Variants in SNAP29 observed in about 807,000 individuals in gnomAD.
The protein encoded by SNAP29 is synaptosomal-associated protein 29.
SNAP29 carries 13 observed loss-of-function variants against 27.9 expected under a neutral mutation model. That is an observed-to-expected ratio of 0.47 (90% CI 0.30 to 0.74). The LOEUF is 0.74. Among genes scored for constraint, SNAP29 ranks in the 30% least tolerant of loss-of-function variants. The pLI is 0.06. For missense variants in SNAP29, 368 were observed against 336.5 expected (o/e 1.09, Z -0.73); for synonymous variants, 119 against 127.1 (o/e 0.94, Z 0.43).
intron 1 of SNAP29, among the ~76,000 whole-genome samples, chr22:20,869,437 CAGT>C (rs1350762674): frequency 1.3e-5 from 2 of 152,136 alleles, no homozygotes; most frequent in Non-Finnish European, 2.9e-5. Flanking sequence ...CAGGCGGAGA[CAGT>C]GGTGTGTGCA....
rs1022387775 is a variant in SNAP29, at chr22:20,887,719, C to T, written c.660C>T (p.Ala220=). 12 of 1,614,122 alleles carry T rather than the reference C, an allele frequency of 7.4e-6. No individual in the cohort carries two copies. The highest frequency in any genetic ancestry group is 1.6e-4 in the Middle Eastern group (1 of 6,062). The part of the protein sequence containing the change: ...SMGLGRLKDI[A]LGMQTEIEEQ... ...GACTGGGTCGTCTGAAGGACATAGC[C>T]CTGGGGATGCAGACAGAAATTGAGG... Residue 220 remains alanine, a synonymous_variant, in exon 5 of 5, where the codon GCC becomes GCT. Coordinates refer to ENST00000215730, the MANE Select transcript of SNAP29 (RefSeq NM_004782.4).
chr22:20,872,293 T>G (rs904163943), intron 2 of SNAP29, among the ~76,000 whole-genome samples: 5 of 152,080 alleles, frequency 3.3e-5, no homozygotes, highest in Non-Finnish European at 5.9e-5. Flanking sequence ...CAGGCTGGAG[T>G]GCAAAGACGT....
intron 2 of SNAP29, among the ~76,000 whole-genome samples, chr22:20,872,332 C>T (rs1177592569): frequency 6.6e-6 from 1 of 152,098 alleles, no homozygotes; most frequent in Non-Finnish European, 1.5e-5. Flanking sequence ...CCTCTGCCTT[C>T]CAGGTTAAAG....
intron 2 of SNAP29, among the ~76,000 whole-genome samples, chr22:20,879,616 C>G (rs1928841982): frequency 1.3e-5 from 2 of 151,660 alleles, no homozygotes. Context: ...GAGGCTAAGG[C>G]GGGCGGATCA....
Position 20,881,040 on chromosome 22 carries a change from T to G in SNAP29, c.435-9T>G. ...AAACGTTTTCTTTTTTGTGAACTTT[T>G]ATCCAAAGATTGAAAGAAGCTATAA... On this transcript the variant is annotated splice_polypyrimidine_tract_variant and intron_variant, in intron 2 of 4. Transcript: ENST00000215730. 1.3e-6 allele frequency: 2 copies of G among 1,588,262 alleles called. No individual in the cohort carries two copies. The highest frequency in any genetic ancestry group is 1.7e-4 in the Middle Eastern group (1 of 6,008).
chr22:20,867,394 G>A (rs1928485925), intron 1 of SNAP29, among the ~76,000 whole-genome samples: 1 of 152,094 alleles, frequency 6.6e-6, no homozygotes, highest in African/African-American at 2.4e-5. Flanking sequence ...GGTGGTGGCT[G>A]GGGCACAGGT....
chr22:20,865,688 G>A (rs1928441835), intron 1 of SNAP29, among the ~76,000 whole-genome samples: 1 of 152,176 alleles, frequency 6.6e-6, no homozygotes, highest in Non-Finnish European at 1.5e-5. Flanking sequence ...TACACGTATG[G>A]TGATGGTTTC....
chr22:20,867,994 T>C (rs796581840), intron 1 of SNAP29, among the ~76,000 whole-genome samples: 3 of 152,250 alleles, frequency 2.0e-5, no homozygotes, highest in African/African-American at 7.2e-5. Flanking sequence ...CTGCTCTGAG[T>C]GTCTTTCCAG....
At chr22:20,884,676 A>G (rs1928971948) in intron 4 of SNAP29, among the ~76,000 whole-genome samples, 1 of 152,160 alleles carries the variant, frequency 6.6e-6, no homozygotes, top group Admixed American at 6.5e-5. Context: ...TGTCTTCCCA[A>G]TCAGACTGTA....
intron 2 of SNAP29, among the ~76,000 whole-genome samples, chr22:20,880,611 T>G (rs1238274318): frequency 6.6e-6 from 1 of 152,222 alleles, no homozygotes; most frequent in Non-Finnish European, 1.5e-5. Context: ...CCGGTTTGGT[T>G]GTTCCATGTG....
rs548739427 is a variant in SNAP29, at chr22:20,887,560, G to T, written c.620-119G>T. On this transcript the variant is annotated intron_variant, in intron 4 of 4. Coordinates refer to ENST00000215730, the MANE Select transcript of SNAP29 (RefSeq NM_004782.4). ...AAGTCAAGACTCATCTCTGCAGTGG[G>T]TGCAGTCCCCCCAGGCAACACAGAT... 558 of 1,040,238 alleles carry T rather than the reference G, an allele frequency of 5.4e-4. 6 individuals carry two copies. The South Asian group carries it at 6.9e-3, about 13-fold the overall frequency. 64.4% of individuals were successfully genotyped at this position (1,040,238 alleles called of 1,614,324 possible). A position where few individuals can be genotyped will look rare whatever the true frequency, so the allele number is the denominator to read the frequency against.
chr22:20,870,928 G>C, intron 2 of SNAP29: 1 of 328,182 alleles, frequency 3.0e-6, no homozygotes, highest in African/African-American at 2.2e-5. Flanking sequence ...CTTAAGCCCA[G>C]GAGCTCGAGA....
intron 1 of SNAP29, among the ~76,000 whole-genome samples, chr22:20,859,899 A>G (rs968625952): frequency 6.6e-6 from 1 of 152,206 alleles, no homozygotes; most frequent in African/African-American, 2.4e-5. Context: ...CAGCCCAGAC[A>G]GCTGCCTAGT....
At chr22:20,880,990 A>G in intron 2 of SNAP29, 59 bp from the exon 3 acceptor site, 1 of 1,111,926 alleles carries the variant, frequency 9.0e-7, no homozygotes. Context: ...GACTGATAAC[A>G]TTGTCATAGG....
At chr22:20,867,530 C>T (rs2147862538) in intron 1 of SNAP29, among the ~76,000 whole-genome samples, 1 of 152,278 alleles carries the variant, frequency 6.6e-6, no homozygotes, top group South Asian at 2.1e-4. Flanking sequence ...CCGGTCATTT[C>T]CTCTGCCTTC....
chr22:20,886,447 A>AG (rs752779512), intron 4 of SNAP29, among the ~76,000 whole-genome samples: 3 of 151,740 alleles, frequency 2.0e-5, no homozygotes, highest in Non-Finnish European at 2.9e-5. Flanking sequence ...AGCTGGGATT[A>AG]CAAGGTGTGC....
Position 20,859,136 on chromosome 22 carries a change from A to T in SNAP29, c.26A>T (p.Asn9Ile). The T allele has an allele frequency of 6.2e-7, 1 of 1,608,178 alleles. No homozygotes were observed. Among genetic ancestry groups the T allele is most frequent in the Non-Finnish European group, 8.5e-7 (1 of 1,178,342 alleles). Residue 9 changes from asparagine (N) to isoleucine (I), a missense_variant, in exon 1 of 5, where the codon AAT becomes ATT. Transcript: ENST00000215730. MSAYPKSY[N>I]PFDDDGEDEG... ...ATGTCAGCTTACCCTAAAAGCTACA[A>T]TCCGTTCGACGACGACGGGGAGGAC...
intron 4 of SNAP29, among the ~76,000 whole-genome samples, chr22:20,884,840 A>G (rs755111075): frequency 2.0e-5 from 3 of 152,118 alleles, no homozygotes; most frequent in Non-Finnish European, 4.4e-5. Flanking sequence ...CAATGGTGCA[A>G]TCTCAGCTCA....
chr22:20,879,851 TAAAAAA>T (rs361542), intron 2 of SNAP29, among the ~76,000 whole-genome samples: 6 of 98,074 alleles, frequency 6.1e-5, no homozygotes, highest in South Asian at 3.3e-4. Flanking sequence ...TGAAAAAATT[TAAAAAA>T]AAAAAAAAAA....
Sources: allele counts gnomAD v4.1 joint callset (sites outside exome capture counted in the v4.1 genomes callset), GRCh38; gene constraint gnomAD v4.1.1; transcripts MANE v1.5; gene names NCBI Gene and HGNC (gene_info 2026-07-23, HGNC 2026-07-21).